Variants in THSD4 observed in about 807,000 individuals in gnomAD.
THSD4 encodes thrombospondin type-1 domain-containing protein 4.
A neutral mutation model predicts 119.0 loss-of-function variants in THSD4; 69 were observed. The observed-to-expected ratio is 0.58, with a 90% confidence interval of 0.48 to 0.71. The LOEUF is 0.71. Ranked by LOEUF, THSD4 falls within the 30% of genes least tolerant of loss-of-function variation. The probability of loss-of-function intolerance (pLI) is 0.00; values close to 1 mark genes in which losing one functional copy is unlikely to be tolerated. For synonymous variants in THSD4, 524 were observed against 540.4 expected (o/e 0.97, Z 0.42); for missense variants, 1,393 against 1,391.1 (o/e 1.00, Z -0.02).
chr15:71,189,950 C>T (rs1245781538), intron 3 of THSD4, among the ~76,000 whole-genome samples: 5 of 152,152 alleles, frequency 3.3e-5, no homozygotes, highest in Non-Finnish European at 7.3e-5. Flanking sequence ...ATGCTCATCC[C>T]GCCCACGCAC....
intron 8 of THSD4, among the ~76,000 whole-genome samples, chr15:71,669,514 TGTTG>T (rs1245393546): frequency 6.6e-6 from 1 of 152,162 alleles, no homozygotes; most frequent in Admixed American, 6.5e-5. Context: ...TTTTTGTGGC[TGTTG>T]GTTTTCTGAC....
intron 1 of THSD4, among the ~76,000 whole-genome samples, chr15:71,122,194 G>A (rs1055001709): frequency 6.6e-6 from 1 of 152,124 alleles, no homozygotes; most frequent in Non-Finnish European, 1.5e-5. Context: ...AGCTAAGCGG[G>A]GAGGAGCTGC....
chr15:71,358,113 C>A lies in THSD4; in HGVS notation c.1016-53574C>A, dbSNP rs139087342. ...CTTTTCCAGACAAGTGCCTGTAGCA[C>A]GGTCTTCCTGACCTTCCCCTTCTCT... On this transcript the variant is annotated intron_variant, in intron 6 of 17. Coordinates refer to ENST00000261862, the MANE Select transcript of THSD4 (RefSeq NM_024817.3). Among the ~76,000 whole-genome samples the A allele has an allele frequency of 1.5e-3, 228 of 152,326 alleles. 1 individual carries two copies. Among genetic ancestry groups the A allele is most frequent in the African/African-American group, 5.3e-3 (220 of 41,582 alleles).
intron 6 of THSD4, among the ~76,000 whole-genome samples, chr15:71,351,764 A>G (rs1471237117): frequency 1.3e-5 from 2 of 152,192 alleles, no homozygotes; most frequent in African/African-American, 4.8e-5. Context: ...CTTGAAAACA[A>G]CATGGAAACA....
At chr15:71,727,581 TATATATACACACAC>T (rs1461747658) in intron 8 of THSD4, among the ~76,000 whole-genome samples, 2 of 6,566 alleles carry the variant, frequency 3.0e-4, no homozygotes, top group African/African-American at 5.2e-4. Flanking sequence ...TATATATATA[TATATATACACACAC>T]ACACACACAC....
intron 3 of THSD4, among the ~76,000 whole-genome samples, chr15:71,198,888 C>G (rs2043743479): frequency 6.6e-6 from 1 of 152,202 alleles, no homozygotes; most frequent in Non-Finnish European, 1.5e-5. Context: ...AGCGACATTC[C>G]TTTTCATCCT....
At chr15:71,507,413 T>C (rs2048206502) in intron 7 of THSD4, among the ~76,000 whole-genome samples, 3 of 152,268 alleles carry the variant, frequency 2.0e-5, no homozygotes, top group African/African-American at 7.2e-5. Flanking sequence ...ATTTCTCTCA[T>C]AAACTGCACT....
intron 4 of THSD4, among the ~76,000 whole-genome samples, chr15:71,228,225 C>T (rs1035931151): frequency 3.3e-5 from 5 of 152,068 alleles, no homozygotes; most frequent in Admixed American, 2.0e-4. Context: ...TGCAGGCACA[C>T]AACAGGGTGG....
intron 7 of THSD4, among the ~76,000 whole-genome samples, chr15:71,486,353 C>T (rs111388057): frequency 6.6e-5 from 10 of 152,214 alleles, no homozygotes; most frequent in African/African-American, 1.7e-4. Flanking sequence ...TGAAATTTTC[C>T]GAGGCCCAGC....
chr15:71,661,604 C>T (rs2051309827), intron 8 of THSD4, among the ~76,000 whole-genome samples: 1 of 151,978 alleles, frequency 6.6e-6, no homozygotes, highest in African/African-American at 2.4e-5. Flanking sequence ...CCATGTTGGC[C>T]AAGCTGGTCT....
intron 6 of THSD4, among the ~76,000 whole-genome samples, chr15:71,332,991 G>A (rs1025345332): frequency 1.4e-5 from 2 of 145,864 alleles, no homozygotes; most frequent in African/African-American, 2.5e-5. Flanking sequence ...AGGGAAGATC[G>A]GACACCTCTG....
intron 3 of THSD4, among the ~76,000 whole-genome samples, chr15:71,199,845 GTGTGTGA>G (rs1169189261): frequency 8.0e-5 from 12 of 149,354 alleles, no homozygotes; most frequent in African/African-American, 2.7e-4. Flanking sequence ...TGTGTGTGCT[GTGTGTGA>G]TGCATGTGTG....
intron 12 of THSD4, among the ~76,000 whole-genome samples, chr15:71,745,920 C>T (rs1024891582): frequency 2.6e-5 from 4 of 152,168 alleles, no homozygotes; most frequent in East Asian, 1.9e-4. Context: ...GCTGGGATTA[C>T]GGGCGTGAGC....
At chr15:71,369,677 G>A (rs2046016243) in intron 6 of THSD4, among the ~76,000 whole-genome samples, 1 of 152,116 alleles carries the variant, frequency 6.6e-6, no homozygotes, top group Non-Finnish European at 1.5e-5. Context: ...TGCTGGATTT[G>A]GTTTGCCAGT....
At chr15:71,110,250 C>T (rs1213558690) in intron 1 of THSD4, 1 of 152,170 alleles carries the variant, frequency 6.6e-6, no homozygotes, top group Admixed American at 6.5e-5. Flanking sequence ...GATATTCTTT[C>T]AGAATGATGG....
intron 7 of THSD4, among the ~76,000 whole-genome samples, chr15:71,470,506 A>G (rs564878281): frequency 6.6e-6 from 1 of 152,260 alleles, no homozygotes; most frequent in African/African-American, 2.4e-5. Context: ...AATTCATTTA[A>G]TTTTCCTAAT....
Position 71,590,110 on chromosome 15 carries a change from G to A in THSD4, c.1153-70420G>A, listed in dbSNP as rs1488162572. Among the ~76,000 whole-genome samples, 12 of 139,162 alleles carry A rather than the reference G, an allele frequency of 8.6e-5. 2 individuals are homozygous for A. Among genetic ancestry groups the A allele is most frequent in the African/African-American group, 3.0e-4 (12 of 39,796 alleles). The allele number at this position is 139,162 out of a possible 152,430, so 91.3% of individuals were successfully genotyped here. A position where few individuals can be genotyped will look rare whatever the true frequency, so the allele number is the denominator to read the frequency against. On this transcript the variant is annotated intron_variant, in intron 7 of 17. Transcript: ENST00000261862. ...TGGTTACGGCTGATGAAGGAGAGAG[G>A]GGAATGGAGTTGAGGGAAGGACGTT...
chr15:71,766,756 C>T (rs1390481884), intron 16 of THSD4: 8 of 152,150 alleles, frequency 5.3e-5, no homozygotes. Context: ...TTCAAAAACA[C>T]CCCAAATGTC....
intron 8 of THSD4, among the ~76,000 whole-genome samples, chr15:71,672,046 A>T (rs1297117204): frequency 1.3e-5 from 2 of 152,114 alleles, no homozygotes; most frequent in Admixed American, 1.3e-4. Flanking sequence ...CTTAATGGGG[A>T]TGGCATTGAA....
Sources: allele counts gnomAD v4.1 joint callset (sites outside exome capture counted in the v4.1 genomes callset), GRCh38; gene constraint gnomAD v4.1.1; transcripts MANE v1.5; gene names NCBI Gene and HGNC (gene_info 2026-07-23, HGNC 2026-07-21).